The following ATAD2B variants were observed in gnomAD, a reference collection of about 807,000 sequenced individuals.
The protein encoded by ATAD2B is ATPase family AAA domain-containing protein 2B.
A neutral mutation model predicts 167.6 loss-of-function variants in ATAD2B; 40 were observed. The ratio of observed to expected loss-of-function variants is 0.24; its 90% confidence interval spans 0.19 to 0.31. The LOEUF is 0.31. ATAD2B is among the 10% of genes least tolerant of loss of function. The pLI, the probability that ATAD2B is intolerant of heterozygous loss-of-function variation, is 1.00. For synonymous variants in ATAD2B, 579 were observed against 596.5 expected (o/e 0.97, Z 0.43); for missense variants, 1,242 against 1,757.2 (o/e 0.71, Z 5.24).
chr2:23,805,191 A>C (rs1367635205), intron 18 of ATAD2B, among the ~76,000 whole-genome samples: 1 of 151,992 alleles, frequency 6.6e-6, no homozygotes, highest in African/African-American at 2.4e-5. Flanking sequence ...TTTCAAAGTG[A>C]TTTTTTTCAT....
the ATAD2B span, among the ~76,000 whole-genome samples, chr2:23,734,054 T>A: frequency 7.9e-5 from 12 of 152,292 alleles, no homozygotes; most frequent in Admixed American, 7.8e-4. Context: ...TAACTTATCC[T>A]CAGGGGGGAA....
intron 18 of ATAD2B, among the ~76,000 whole-genome samples, chr2:23,803,313 TACACACAC>T (rs150446002): frequency 9.4e-5 from 14 of 149,388 alleles, no homozygotes; most frequent in East Asian, 3.9e-4. Context: ...CATATGTGTG[TACACACAC>T]ACACACACAC....
intron 13 of ATAD2B, among the ~76,000 whole-genome samples, chr2:23,842,542 T>C (rs1384398904): frequency 6.6e-6 from 1 of 152,152 alleles, no homozygotes. Context: ...TAAGTTTCCT[T>C]CTCTCTAGCT....
intron 13 of ATAD2B, among the ~76,000 whole-genome samples, chr2:23,834,954 C>A (rs139596095): frequency 6.6e-6 from 1 of 152,122 alleles, no homozygotes; most frequent in South Asian, 2.1e-4. Flanking sequence ...AAAGACGATA[C>A]ACAAAACCAC....
intron 9 of ATAD2B, among the ~76,000 whole-genome samples, chr2:23,868,203 GA>G (rs1695425897): frequency 6.6e-6 from 1 of 151,764 alleles, no homozygotes; most frequent in Non-Finnish European, 1.5e-5. Flanking sequence ...TCCATTTTAG[GA>G]AAACATCTTA....
chr2:23,873,650 T>C (rs1162629110), intron 8 of ATAD2B, among the ~76,000 whole-genome samples: 4 of 152,232 alleles, frequency 2.6e-5, no homozygotes, highest in Admixed American at 6.5e-5. Flanking sequence ...TGGGGTTTTT[T>C]CTCAAATATT....
At chr2:23,812,872 C>T (rs939646917) in intron 17 of ATAD2B, among the ~76,000 whole-genome samples, 1 of 149,316 alleles carries the variant, frequency 6.7e-6, no homozygotes, top group East Asian at 2.0e-4. Flanking sequence ...AAAATGCTAC[C>T]AATTTTAATG....
At chr2:23,690,548 T>C in the ATAD2B span, 1 of 152,118 alleles carries the variant, frequency 6.6e-6, no homozygotes, top group Admixed American at 6.5e-5. Context: ...GAGAAGCGAG[T>C]GAGTGGACCA....
At chr2:23,790,997 T>C (rs1432104845) in intron 19 of ATAD2B, among the ~76,000 whole-genome samples, 3 of 152,238 alleles carry the variant, frequency 2.0e-5, no homozygotes, top group Non-Finnish European at 4.4e-5. Context: ...TAACAACCAC[T>C]GATAATGCTT....
intron 27 of ATAD2B, among the ~76,000 whole-genome samples, chr2:23,753,921 A>C (rs2149297943): frequency 1.3e-5 from 2 of 152,174 alleles, no homozygotes; most frequent in Middle Eastern, 6.8e-3. Context: ...CTGTATATTT[A>C]CCACCCTAGA....
the ATAD2B span, chr2:23,695,885 G>A: frequency 6.5e-7 from 1 of 1,535,088 alleles, no homozygotes; most frequent in South Asian, 1.2e-5. The surrounding 1 kb of genome is among the most constrained non-coding windows in gnomAD (Gnocchi z 7.6). Flanking sequence ...GTTCCAGTGA[G>A]GTGCCAGGCA....
chr2:23,689,283 G>T, the ATAD2B span: 1 of 152,232 alleles, frequency 6.6e-6, no homozygotes, highest in Non-Finnish European at 1.5e-5. Context: ...GTGGCCAGGG[G>T]TCCTCCTCAG....
chr2:23,736,942 T>C, the ATAD2B span, among the ~76,000 whole-genome samples: 1 of 152,160 alleles, frequency 6.6e-6, no homozygotes, highest in South Asian at 2.1e-4. Context: ...GTCTCCCTCA[T>C]TGCTAGCACA....
chr2:23,904,901 ACTG>A (rs1336955784), intron 1 of ATAD2B, among the ~76,000 whole-genome samples: 7 of 152,200 alleles, frequency 4.6e-5, no homozygotes, highest in African/African-American at 1.7e-4. Context: ...AAAACTCTGC[ACTG>A]CTATTTATTT....
intron 19 of ATAD2B, among the ~76,000 whole-genome samples, chr2:23,793,048 AAATATT>A (rs1287984711): frequency 1.3e-5 from 2 of 151,572 alleles, no homozygotes; most frequent in East Asian, 3.9e-4. Flanking sequence ...TTTATTACCA[AAATATT>A]AATATTAAAA....
At chr2:23,840,169 T>C (rs536512356) in intron 13 of ATAD2B, among the ~76,000 whole-genome samples, 1 of 152,290 alleles carries the variant, frequency 6.6e-6, no homozygotes, top group South Asian at 2.1e-4. Flanking sequence ...TTCTGGGGTA[T>C]TACAAAAAAC....
At chr2:23,847,977 A>G (rs1691955025) in intron 13 of ATAD2B, among the ~76,000 whole-genome samples, 1 of 146,562 alleles carries the variant, frequency 6.8e-6, no homozygotes. Context: ...TGGGCAACAG[A>G]GTGAGACTTC....
At chr2:23,869,493 T>C (rs1695602428) in intron 9 of ATAD2B, 170 bp downstream of exon 9, 1 of 583,756 alleles carries the variant, frequency 1.7e-6, no homozygotes, top group South Asian at 2.0e-5. Flanking sequence ...TAAATGATTT[T>C]GGGGAAAGGT....
At chr2:23,780,992 T>C (rs1479574178) in intron 22 of ATAD2B, among the ~76,000 whole-genome samples, 2 of 152,170 alleles carry the variant, frequency 1.3e-5, no homozygotes, top group East Asian at 1.9e-4. Flanking sequence ...AGAAGCATTT[T>C]TTTTTAGTAT....
Sources: gnomAD v4.1 joint callset for allele counts (sites outside exome capture counted in the v4.1 genomes callset) on GRCh38, gnomAD v4.1.1 for gene constraint, Gnocchi (gnomAD v3.1) non-coding constraint, MANE v1.5 for transcripts, NCBI Gene and HGNC (gene_info 2026-07-23, HGNC 2026-07-21) for gene names.